The following AURKA variants were observed in gnomAD, a reference collection of about 807,000 sequenced individuals.
AURKA encodes the protein aurora kinase A.
In AURKA, 12 loss-of-function variants were observed where a neutral mutation model predicts 40.9. The ratio of observed to expected loss-of-function variants is 0.29; its 90% CI spans 0.19 to 0.48. The LOEUF is 0.48. Among genes scored for constraint, AURKA ranks in the 20% least tolerant of loss-of-function variants. The pLI is 0.99. For synonymous variants in AURKA, 170 were observed against 164.3 expected (o/e 1.03, Z -0.26); for missense variants, 322 against 462.1 (o/e 0.70, Z 2.78).
chr20:56,371,201 G>A (rs994920989), intron 7 of AURKA, among the ~76,000 whole-genome samples: 1 of 152,132 alleles, frequency 6.6e-6, no homozygotes. Flanking sequence ...AGTGGCTCAT[G>A]CCTGTAATGC....
intron 1 of AURKA, among the ~76,000 whole-genome samples, chr20:56,389,558 A>C (rs1443403599): frequency 1.3e-5 from 2 of 151,856 alleles, no homozygotes; most frequent in African/African-American, 4.8e-5. Flanking sequence ...CAGGCTGAGG[A>C]CTCCCAAATA....
In AURKA at chr20:56,369,614, G is replaced by A. The variant is rs774166244; in HGVS notation, c.*544C>T. The A allele has an allele frequency of 4.5e-5, 12 of 264,862 alleles. No individual in the cohort carries two copies. The highest frequency in any genetic ancestry group is 8.6e-5 in the African/African-American group (4 of 46,584). 16.4% of individuals were successfully genotyped at this position (264,862 alleles called of 1,614,324 possible). On this transcript the variant is annotated 3_prime_UTR_variant, in exon 9 of 9. Coordinates refer to ENST00000395915, the MANE Select transcript of AURKA (RefSeq NM_198437.3). ...ACCCAATCAGGCCTACCGGGGTGCC[G>A]GACAGACACACAGCATTCCTAAAGG... is the stretch of plus-strand genomic sequence containing the variant.
chr20:56,378,030 G>A (rs1181227009), intron 6 of AURKA, among the ~76,000 whole-genome samples: 2 of 152,126 alleles, frequency 1.3e-5, no homozygotes, highest in East Asian at 3.9e-4. Flanking sequence ...AGCCAGGCAC[G>A]AGAGCACATG....
At chr20:56,381,623 T>C (rs1488549556) in intron 5 of AURKA, 52 bp from the exon 6 acceptor site, 1 of 1,606,126 alleles carries the variant, frequency 6.2e-7, no homozygotes, top group Non-Finnish European at 8.5e-7. Context: ...CACAGAAGAC[T>C]ATGTACAAAA....
rs991833162 is a variant in AURKA, at chr20:56,369,948, C to T, written c.*210G>A. ...GAACCAGTATAAGTAGCACAATTCT[C>T]GTGGCTACTTTCACTTCAGAGTGTC... On this transcript the variant is annotated 3_prime_UTR_variant, in exon 9 of 9. Coordinates refer to ENST00000395915, the MANE Select transcript of AURKA (RefSeq NM_198437.3). The T allele has an allele frequency of 1.2e-5, 8 of 666,978 alleles. No individual in the cohort carries two copies. The highest frequency in any genetic ancestry group is 5.5e-5 in the East Asian group (2 of 36,292). 41.3% of individuals were successfully genotyped at this position (666,978 alleles called of 1,614,324 possible). A position where few individuals can be genotyped will look rare whatever the true frequency, so the allele number is the denominator to read the frequency against.
chr20:56,381,279 A>G (rs1376035861), intron 6 of AURKA, among the ~76,000 whole-genome samples, 154 bp downstream of exon 6: 1 of 152,206 alleles, frequency 6.6e-6, no homozygotes, highest in Non-Finnish European at 1.5e-5. Flanking sequence ...CATATGGTAC[A>G]ACTAAGCTAT....
rs1245111264 is a variant in AURKA, at chr20:56,383,280, T to C, written c.375-104A>G. Reference sequence around the variant, plus strand: ...TCTACAAATAATTTCGTATTCCAACTTCACTCAATATGCATCCTCAGCAAG... The same window carrying C: ...TCTACAAATAATTTCGTATTCCAACCTCACTCAATATGCATCCTCAGCAAG... On this transcript the variant is annotated intron_variant, in intron 4 of 8. Coordinates refer to ENST00000395915, the MANE Select transcript of AURKA (RefSeq NM_198437.3). 1.0e-5 allele frequency: 13 copies of C among 1,239,198 alleles called. No individual in the cohort carries two copies. In the African/African-American group the frequency reaches 1.8e-4, roughly 17 times the overall value. 76.8% of individuals were successfully genotyped at this position (1,239,198 alleles called of 1,614,324 possible).
chr20:56,370,017 C>T lies in AURKA; in HGVS notation c.*141G>A. The stretch of plus-strand genomic sequence containing the variant: ...CTTTCTGAATAGGGAGGTTAAGGCA[C>T]ACCTGCTGAGTAAAACAAATATTTC... On this transcript the variant is annotated 3_prime_UTR_variant, in exon 9 of 9. Coordinates refer to ENST00000395915, the MANE Select transcript of AURKA (RefSeq NM_198437.3). 9.2e-7 allele frequency: 1 copy of T among 1,087,160 alleles called. No homozygotes were observed. Among genetic ancestry groups the T allele is most frequent in the Non-Finnish European group, 1.4e-6 (1 of 716,740 alleles). 67.3% of individuals were successfully genotyped at this position (1,087,160 alleles called of 1,614,324 possible).
chr20:56,375,088 C>T (rs994566818), intron 6 of AURKA, among the ~76,000 whole-genome samples: 8 of 151,962 alleles, frequency 5.3e-5, no homozygotes, highest in East Asian at 1.9e-4. Flanking sequence ...CAGTCCCTAT[C>T]GCTAAGATTT....
chr20:56,388,297 G>C (rs1986634247), intron 1 of AURKA, 95 bp from the exon 2 acceptor site: 2 of 1,070,640 alleles, frequency 1.9e-6, no homozygotes, highest in African/African-American at 1.6e-5. Flanking sequence ...CAATCAAAAG[G>C]CCTCCACAAC....
intron 3 of AURKA, among the ~76,000 whole-genome samples, chr20:56,385,793 CCTTCT>C (rs987959974): frequency 3.7e-4 from 56 of 152,204 alleles, no homozygotes; most frequent in African/African-American, 1.3e-3. Context: ...GGCAGAGTTC[CCTTCT>C]GAGTTCAAAA....
chr20:56,376,412 CACAA>C (rs1208090822), intron 6 of AURKA, among the ~76,000 whole-genome samples: 1 of 152,102 alleles, frequency 6.6e-6, no homozygotes, highest in Non-Finnish European at 1.5e-5. Flanking sequence ...TTAGGAGAAG[CACAA>C]ACATTTAAGA....
At chr20:56,387,745 A>C (rs1323208369) in intron 2 of AURKA, among the ~76,000 whole-genome samples, 1 of 152,266 alleles carries the variant, frequency 6.6e-6, no homozygotes, top group East Asian at 1.9e-4. Context: ...ATTCAGACAA[A>C]GACAAATAAA....
intron 2 of AURKA, among the ~76,000 whole-genome samples, chr20:56,387,922 C>T (rs1441685451): frequency 6.6e-6 from 1 of 152,064 alleles, no homozygotes; most frequent in Non-Finnish European, 1.5e-5. Flanking sequence ...ATCCTGCATA[C>T]AGTGGAGGGA....
rs917213215 is a variant in AURKA, at chr20:56,384,153, T to C, written c.374+117A>G. 127 of 716,552 alleles carry C rather than the reference T, an allele frequency of 1.8e-4. 3 individuals carry two copies. In the Middle Eastern group the frequency reaches 3.9e-3, roughly 22 times the overall value. The allele number at this position is 716,552 out of a possible 1,614,324, so 44.4% of individuals were successfully genotyped here. Reference sequence around the variant, plus strand: ...GATTGGAAATCTGGAAACATTTATATCCTCTAAATGCAAATAAAGGCCTCA... The same window carrying C: ...GATTGGAAATCTGGAAACATTTATACCCTCTAAATGCAAATAAAGGCCTCA... On this transcript the variant is annotated intron_variant, in intron 4 of 8. Transcript: ENST00000395915.
intron 6 of AURKA, among the ~76,000 whole-genome samples, chr20:56,380,858 A>G (rs1285461897): frequency 2.0e-5 from 3 of 152,252 alleles, no homozygotes; most frequent in Admixed American, 2.0e-4. Context: ...TAATAGTTAT[A>G]TATCAATATT....
intron 5 of AURKA, among the ~76,000 whole-genome samples, chr20:56,382,334 T>C (rs1338534653): frequency 6.6e-6 from 1 of 152,094 alleles, no homozygotes; most frequent in East Asian, 1.9e-4. Context: ...GCACAGCCCA[T>C]GTGAGATGCC....
At position 56,386,497 on chromosome 20, in the gene AURKA, C is replaced by T. The variant is rs750077869; in HGVS notation, c.79G>A (p.Val27Met). 8.1e-6 allele frequency: 13 copies of T among 1,614,012 alleles called. No individual in the cohort carries two copies. The highest frequency in any genetic ancestry group is 2.7e-5 in the African/African-American group (2 of 74,898). Residue 27 changes from valine (V) to methionine (M), a missense_variant, in exon 3 of 9, where the codon GTG becomes ATG. Val to Met is a conservative substitution (Grantham distance 21). Coordinates refer to ENST00000395915, the MANE Select transcript of AURKA (RefSeq NM_198437.3). ...APVGGPKRVL[V>M]TQQFPCQNPL... ...TTCTGACAAGGAAATTGCTGAGTCA[C>T]GAGAACACGTTTTGGACCTCCAACT...
intron 6 of AURKA, among the ~76,000 whole-genome samples, chr20:56,377,639 T>C (rs1395969824): frequency 6.6e-6 from 1 of 152,034 alleles, no homozygotes; most frequent in Non-Finnish European, 1.5e-5. Flanking sequence ...GTACAAAAAT[T>C]AGCTGGGCAT....
Sources: allele counts gnomAD v4.1 joint callset (sites outside exome capture counted in the v4.1 genomes callset), GRCh38; gene constraint gnomAD v4.1.1; transcripts MANE v1.5; gene names NCBI Gene and HGNC (gene_info 2026-07-23, HGNC 2026-07-21).